Variants in ABTB3 observed in about 807,000 individuals in gnomAD.
The protein encoded by ABTB3 is ankyrin repeat- and BTB/POZ domain-containing protein 3.
the ABTB3 span, among the ~76,000 whole-genome samples, chr12:107,567,850 C>A: frequency 6.6e-6 from 1 of 152,200 alleles, no homozygotes; most frequent in African/African-American, 2.4e-5. Context: ...CCCCCTACCC[C>A]CAGTCTGTGG....
At chr12:107,458,753 C>T in the ABTB3 span, among the ~76,000 whole-genome samples, 5 of 152,154 alleles carry the variant, frequency 3.3e-5, no homozygotes, top group African/African-American at 1.2e-4. Flanking sequence ...CCTCTAGATA[C>T]CCTGTCCCCA....
At chr12:107,415,556 A>G in the ABTB3 span, among the ~76,000 whole-genome samples, 1 of 151,790 alleles carries the variant, frequency 6.6e-6, no homozygotes. Context: ...AAAAACCAAA[A>G]AATTAGCCAG....
chr12:107,566,162 T>G, the ABTB3 span, among the ~76,000 whole-genome samples: 11 of 152,196 alleles, frequency 7.2e-5, no homozygotes, highest in African/African-American at 2.7e-4. Flanking sequence ...CTTTTCCTGC[T>G]CTTATCTTTT....
At chr12:107,414,249 T>C in the ABTB3 span, among the ~76,000 whole-genome samples, 1 of 152,186 alleles carries the variant, frequency 6.6e-6, no homozygotes, top group Non-Finnish European at 1.5e-5. Flanking sequence ...ATCAATTGTA[T>C]TATCCTAGTG....
chr12:107,330,636 G>A, the ABTB3 span, among the ~76,000 whole-genome samples: 3 of 152,272 alleles, frequency 2.0e-5, no homozygotes, highest in East Asian at 1.9e-4. Context: ...AGCTGGAACC[G>A]GTATCCCAGG....
chr12:107,382,017 A>G, the ABTB3 span, among the ~76,000 whole-genome samples: 1 of 152,216 alleles, frequency 6.6e-6, no homozygotes, highest in African/African-American at 2.4e-5. Context: ...TACAGTCGTG[A>G]CCAAATCATA....
the ABTB3 span, among the ~76,000 whole-genome samples, chr12:107,331,722 T>C: frequency 1.3e-5 from 2 of 152,134 alleles, no homozygotes; most frequent in African/African-American, 4.8e-5. Flanking sequence ...GGGAATCTCA[T>C]CCCCATGTCA....
chr12:107,613,478 G>A, the ABTB3 span, among the ~76,000 whole-genome samples: 1 of 152,018 alleles, frequency 6.6e-6, no homozygotes, highest in Admixed American at 6.6e-5. Context: ...CTTAGAATCT[G>A]ACAGATTTGG....
chr12:107,322,715 A>ACCTTTTGAAAAGGTACTACACTATTATC, the ABTB3 span, among the ~76,000 whole-genome samples: 105,154 of 151,722 alleles, frequency 0.69, 36,574 homozygotes, highest in Admixed American at 0.76. Context: ...GATCCCCAGT[A>ACCTTTTGAAAAGGTACTACACTATTATC]CCCATTATAT....
At chr12:107,362,397 G>C in the ABTB3 span, among the ~76,000 whole-genome samples, 3 of 152,182 alleles carry the variant, frequency 2.0e-5, no homozygotes, top group Admixed American at 6.5e-5. Flanking sequence ...ATCTCCCCAG[G>C]GAAGACGTAA....
the ABTB3 span, among the ~76,000 whole-genome samples, chr12:107,596,788 C>G: frequency 2.6e-5 from 4 of 152,192 alleles, no homozygotes; most frequent in Non-Finnish European, 2.9e-5. Context: ...CCTTCCTTCC[C>G]CCTTCCTTAA....
At chr12:107,376,784 T>C in the ABTB3 span, among the ~76,000 whole-genome samples, 4 of 152,114 alleles carry the variant, frequency 2.6e-5, no homozygotes, top group South Asian at 4.1e-4. Flanking sequence ...GATTACTATA[T>C]GCCAGGTACA....
chr12:107,560,779 T>A, the ABTB3 span, among the ~76,000 whole-genome samples: 1 of 152,338 alleles, frequency 6.6e-6, no homozygotes, highest in Admixed American at 6.5e-5. Flanking sequence ...GTTTTGAGCT[T>A]GTTCTGTGGA....
chr12:107,551,827 A>G, the ABTB3 span, among the ~76,000 whole-genome samples: 1 of 151,112 alleles, frequency 6.6e-6, no homozygotes, highest in African/African-American at 2.4e-5. Flanking sequence ...ATCTCTGCTC[A>G]CTGCAACCTC....
the ABTB3 span, among the ~76,000 whole-genome samples, chr12:107,488,068 A>G: frequency 6.6e-6 from 1 of 152,024 alleles, no homozygotes; most frequent in Non-Finnish European, 1.5e-5. Context: ...TGGTTCAGGT[A>G]CAAGAGTACC....
chr12:107,622,103 G>A, the ABTB3 span, among the ~76,000 whole-genome samples: 10 of 152,270 alleles, frequency 6.6e-5, no homozygotes, highest in Non-Finnish European at 1.3e-4. Flanking sequence ...ATAGCTGGGC[G>A]TGGTCGTGTC....
chr12:107,414,585 G>T, the ABTB3 span, among the ~76,000 whole-genome samples: 1 of 152,108 alleles, frequency 6.6e-6, no homozygotes, highest in African/African-American at 2.4e-5. Flanking sequence ...TAAAGGTGGC[G>T]AGACATTCGG....
the ABTB3 span, among the ~76,000 whole-genome samples, chr12:107,373,664 A>G: frequency 9.9e-5 from 15 of 152,284 alleles, no homozygotes; most frequent in South Asian, 3.1e-3. Flanking sequence ...TCTATCTTAT[A>G]GATAAAGCAA....
chr12:107,381,330 G>T, the ABTB3 span, among the ~76,000 whole-genome samples: 16 of 152,342 alleles, frequency 1.1e-4, 1 homozygote, highest in East Asian at 2.1e-3. Flanking sequence ...CTGCAGACAG[G>T]TGAACACACA....
Sources: gnomAD v4.1 joint callset for allele counts (sites outside exome capture counted in the v4.1 genomes callset) on GRCh38, gnomAD v4.1.1 for gene constraint, MANE v1.5 for transcripts, NCBI Gene and HGNC (gene_info 2026-07-23, HGNC 2026-07-21) for gene names.